Variants in ABI3BP observed in about 807,000 individuals in gnomAD.
The protein encoded by ABI3BP is ABI family member 3 binding protein.
ABI3BP carries 216 observed loss-of-function variants against 268.6 expected under a neutral mutation model. The observed-to-expected ratio is 0.80, with a 90% CI of 0.72 to 0.90. ABI3BP has a LOEUF of 0.90. ABI3BP is among the 40% of genes least tolerant of loss of function. ABI3BP has a pLI of 0.00. For synonymous variants in ABI3BP, 730 were observed against 730.0 expected (o/e 1.00, Z 0.00); for missense variants, 2,090 against 2,182.4 (o/e 0.96, Z 0.84).
chr3:100,907,162 A>T (rs2053795594), intron 2 of ABI3BP, among the ~76,000 whole-genome samples: 1 of 152,200 alleles, frequency 6.6e-6, no homozygotes, highest in Non-Finnish European at 1.5e-5. Context: ...AAGTAGGAAA[A>T]ATCATACCTA....
intron 15 of ABI3BP, 148 bp downstream of exon 15, chr3:100,851,727 G>T: frequency 1.6e-6 from 1 of 638,766 alleles, no homozygotes; most frequent in Non-Finnish European, 2.7e-6. Context: ...GGAGGAGTGG[G>T]TAAAACACAA....
intron 1 of ABI3BP, among the ~76,000 whole-genome samples, chr3:100,970,882 T>G (rs1349426747): frequency 2.0e-5 from 3 of 152,188 alleles, no homozygotes; most frequent in African/African-American, 7.2e-5. Context: ...AGTATCCAAA[T>G]GAAATGATTG....
intron 1 of ABI3BP, among the ~76,000 whole-genome samples, chr3:100,981,574 A>T (rs1307405367): frequency 6.6e-6 from 1 of 152,220 alleles, no homozygotes; most frequent in Non-Finnish European, 1.5e-5. Flanking sequence ...AGGCTAAGTC[A>T]CATGGAATTG....
intron 65 of ABI3BP, 64 bp downstream of exon 65, chr3:100,753,755 T>C: frequency 6.4e-7 from 1 of 1,558,572 alleles, no homozygotes; most frequent in Non-Finnish European, 8.8e-7. Flanking sequence ...GATTCTGCCA[T>C]GCCTGTTCAG....
At chr3:100,849,733 T>C (rs8179966) in intron 17 of ABI3BP, among the ~76,000 whole-genome samples, 61,030 of 152,060 alleles carry the variant, frequency 0.4, 13,627 homozygotes, top group African/African-American at 0.61. Flanking sequence ...CCTAACTGTG[T>C]TAAGTAGAAG....
intron 1 of ABI3BP, among the ~76,000 whole-genome samples, chr3:100,953,066 C>T (rs1004355018): frequency 3.9e-5 from 6 of 152,146 alleles, no homozygotes; most frequent in Non-Finnish European, 8.8e-5. Flanking sequence ...AAATATACTT[C>T]TTTCAAACCC....
intron 1 of ABI3BP, among the ~76,000 whole-genome samples, chr3:100,967,731 C>T (rs2081929333): frequency 6.6e-6 from 1 of 151,980 alleles, no homozygotes; most frequent in Non-Finnish European, 1.5e-5. Context: ...CTAACTTGAC[C>T]TTTAAGTTTT....
intron 1 of ABI3BP, among the ~76,000 whole-genome samples, chr3:100,979,779 C>G (rs554061820): frequency 6.6e-6 from 1 of 152,164 alleles, no homozygotes; most frequent in African/African-American, 2.4e-5. Context: ...TATTATATAA[C>G]GCAATTCAGC....
At position 100,822,802 on chromosome 3, in the gene ABI3BP, G is replaced by A. The variant is rs772690096; in HGVS notation, c.2804-130C>T. 1.5e-4 allele frequency: 104 copies of A among 678,182 alleles called. 1 individual carries two copies. The highest frequency in any genetic ancestry group is 4.9e-4 in the Middle Eastern group (2 of 4,112). 42.0% of individuals were successfully genotyped at this position (678,182 alleles called of 1,614,324 possible). A position where few individuals can be genotyped will look rare whatever the true frequency, so the allele number is the denominator to read the frequency against. On this transcript the variant is annotated intron_variant, in intron 37 of 67. Coordinates refer to ENST00000471714, the MANE Select transcript of ABI3BP (RefSeq NM_001375547.2). ...TTTTAGTTCGAGATTTTTGTCACAT[G>A]CATTCCTCCTTATAGATCTTTTATC...
At chr3:100,774,469 G>A (rs1466971320) in intron 61 of ABI3BP, 136 bp downstream of exon 61, 2 of 628,806 alleles carry the variant, frequency 3.2e-6, no homozygotes, top group Non-Finnish European at 5.3e-6. Context: ...TTGACTTGCA[G>A]ACACCCATGA....
intron 1 of ABI3BP, among the ~76,000 whole-genome samples, chr3:100,971,683 G>A (rs1451152239): frequency 1.3e-5 from 2 of 152,160 alleles, no homozygotes; most frequent in Admixed American, 6.6e-5. Flanking sequence ...TGCCTTACAT[G>A]GGATTATATC....
intron 1 of ABI3BP, among the ~76,000 whole-genome samples, chr3:100,967,458 A>G (rs2081799044): frequency 6.7e-6 from 1 of 149,590 alleles, no homozygotes. Context: ...GAGCTGAGGT[A>G]GCGCCGCTGC....
chr3:100,844,647 A>G (rs1282815328), intron 20 of ABI3BP, among the ~76,000 whole-genome samples: 2 of 152,240 alleles, frequency 1.3e-5, no homozygotes, highest in Non-Finnish European at 2.9e-5. Context: ...ATAAAATTTA[A>G]GAAGCTAAAA....
intron 63 of ABI3BP, among the ~76,000 whole-genome samples, chr3:100,755,887 A>G (rs1211278693): frequency 1.3e-5 from 2 of 152,210 alleles, no homozygotes; most frequent in Non-Finnish European, 2.9e-5. Context: ...TTAAATAAGA[A>G]TGCAGAATGC....
intron 63 of ABI3BP, among the ~76,000 whole-genome samples, chr3:100,755,683 C>A (rs1283104591): frequency 6.6e-6 from 1 of 152,166 alleles, no homozygotes; most frequent in Non-Finnish European, 1.5e-5. Context: ...CAAAGCAAAT[C>A]TTTTAAAGAA....
intron 63 of ABI3BP, among the ~76,000 whole-genome samples, chr3:100,756,238 A>G (rs2149365721): frequency 6.6e-6 from 1 of 152,294 alleles, no homozygotes; most frequent in South Asian, 2.1e-4. Context: ...CAAAACTTTA[A>G]AACTGGCCAG....
intron 60 of ABI3BP, 31 bp from the exon 61 acceptor site, chr3:100,774,704 C>A: frequency 6.7e-7 from 1 of 1,484,134 alleles, no homozygotes; most frequent in Non-Finnish European, 9.1e-7. Context: ...ACAGTTTTGG[C>A]AAAAGATAAA....
chr3:100,834,161 A>G (rs940004103), intron 29 of ABI3BP, among the ~76,000 whole-genome samples: 3 of 152,168 alleles, frequency 2.0e-5, no homozygotes, highest in Non-Finnish European at 1.5e-5. Flanking sequence ...TTTTGTAGAA[A>G]TGGAGTTCTC....
chr3:100,830,498 G>A, intron 32 of ABI3BP, 80 bp downstream of exon 32: 1 of 1,206,238 alleles, frequency 8.3e-7, no homozygotes, highest in Non-Finnish European at 1.2e-6. Flanking sequence ...TGAAGCGGGA[G>A]AAGCTGTGGT....
Sources: allele counts gnomAD v4.1 joint callset (sites outside exome capture counted in the v4.1 genomes callset), GRCh38; gene constraint gnomAD v4.1.1; transcripts MANE v1.5; gene names NCBI Gene and HGNC (gene_info 2026-07-23, HGNC 2026-07-21).